Variants in DMXL1 observed in about 807,000 individuals in gnomAD.
DMXL1 encodes Dmx like 1, also known as dmX-like protein 1.
In DMXL1, 99 loss-of-function variants were observed where a neutral mutation model predicts 319.2. That is an observed-to-expected ratio of 0.31 (90% CI 0.26 to 0.37). The LOEUF (loss-of-function observed/expected upper bound fraction) is 0.37, where lower values mean the gene tolerates loss of function less well. DMXL1 is among the 10% of genes least tolerant of loss of function. The pLI is 1.00. For missense variants in DMXL1, 3,745 were observed against 3,595.6 expected, an observed-to-expected ratio of 1.04 and a Z score of -1.06; for synonymous variants, 1,385 against 1,235.2, an observed-to-expected ratio of 1.12 and a Z score of -2.54.
At chr5:119,201,753 T>C (rs931448957) in intron 32 of DMXL1, among the ~76,000 whole-genome samples, 1 of 152,176 alleles carries the variant, frequency 6.6e-6, no homozygotes. Flanking sequence ...CAGAGCTCAT[T>C]ATTAGTTTGG....
intron 2 of DMXL1, among the ~76,000 whole-genome samples, chr5:119,098,448 TA>T (rs1279541215): frequency 1.3e-3 from 128 of 96,644 alleles, no homozygotes; most frequent in African/African-American, 5.2e-3. Flanking sequence ...TGATTTAGAA[TA>T]TTTTTTTTTT....
intron 23 of DMXL1, among the ~76,000 whole-genome samples, chr5:119,169,828 G>A (rs1252148797): frequency 6.6e-6 from 1 of 152,324 alleles, no homozygotes; most frequent in East Asian, 1.9e-4. Context: ...GAGACTCTCA[G>A]TGTTCAAAGG....
chr5:119,082,010 TATATATATATACACACACACAC>T (rs1752303255), intron 1 of DMXL1, among the ~76,000 whole-genome samples: 2 of 77,146 alleles, frequency 2.6e-5, no homozygotes, highest in African/African-American at 6.9e-5. Flanking sequence ...TATATATATA[TATATATATATACACACACACAC>T]ACACACACAC....
chr5:119,165,906 A>G (rs1232404632), intron 21 of DMXL1, among the ~76,000 whole-genome samples: 1 of 152,230 alleles, frequency 6.6e-6, no homozygotes, highest in African/African-American at 2.4e-5. Flanking sequence ...AAACCATATC[A>G]GGTAACTAAA....
At chr5:119,099,126 C>T (rs554610771) in intron 2 of DMXL1, among the ~76,000 whole-genome samples, 25 of 151,454 alleles carry the variant, frequency 1.7e-4, no homozygotes, top group South Asian at 2.1e-4. Context: ...TATGACTTCT[C>T]GCTGTACAAC....
intron 43 of DMXL1, among the ~76,000 whole-genome samples, chr5:119,246,759 G>T (rs1306705214): frequency 6.6e-6 from 1 of 150,840 alleles, no homozygotes; most frequent in Non-Finnish European, 1.5e-5. Context: ...CCAGCCTCCT[G>T]AGTAGCTGGG....
chr5:119,150,436 C>A lies in DMXL1; in HGVS notation c.4594+15C>A. ...CAGAAGCCAAGGTAAAACTAAACTC[C>A]GTACTGATAACATTTTTACTTACTT... On this transcript the variant is annotated intron_variant, in intron 18 of 43. Coordinates refer to ENST00000539542, the MANE Select transcript of DMXL1 (RefSeq NM_001290321.3). The A allele has an allele frequency of 6.4e-7, 1 of 1,566,400 alleles. No homozygotes were observed. The highest frequency in any genetic ancestry group is 1.2e-5 in the South Asian group (1 of 83,246).
At chr5:119,117,764 GAGA>G (rs1425902007) in intron 7 of DMXL1, among the ~76,000 whole-genome samples, 2 of 151,222 alleles carry the variant, frequency 1.3e-5, no homozygotes, top group East Asian at 3.9e-4. Context: ...AGGAGGGAAG[GAGA>G]AGGAGAGAGC....
intron 25 of DMXL1, among the ~76,000 whole-genome samples, chr5:119,174,826 T>G (rs1775473602): frequency 6.6e-6 from 1 of 152,238 alleles, no homozygotes; most frequent in South Asian, 2.1e-4. Flanking sequence ...TCAAATTGTT[T>G]TTAAGGTAAC....
At chr5:119,077,495 T>TTG (rs1554080807) in intron 1 of DMXL1, among the ~76,000 whole-genome samples, 1 of 144,920 alleles carries the variant, frequency 6.9e-6, no homozygotes, top group East Asian at 2.0e-4. Flanking sequence ...TTTTTTTTTT[T>TTG]TTTTTTTTTT....
At position 119,203,426 on chromosome 5, in the gene DMXL1, G is replaced by C; in HGVS notation, c.7853G>C (p.Cys2618Ser). The C allele has an allele frequency of 6.3e-7, 1 of 1,587,962 alleles. No individual in the cohort carries two copies. Among genetic ancestry groups the C allele is most frequent in the East Asian group, 2.3e-5 (1 of 44,348 alleles). Residue 2618 changes from cysteine to serine, a missense_variant, in exon 33 of 44, where the codon TGT becomes TCT. This residue lies in a region of DMXL1 where 1,382 missense variants were observed against 1,269.5 expected (regional missense o/e 1.09). Coordinates refer to ENST00000539542, the MANE Select transcript of DMXL1 (RefSeq NM_001290321.3). ...FIKNIFTKKR[C>S]LNESLEDNSE... The stretch of plus-strand genomic sequence containing the variant: ...AAAAATATATTCACAAAGAAACGGT[G>C]TCTAAATGAGGTCTGTATAAGTTAA...
chr5:119,228,634 T>C (rs909647499), intron 38 of DMXL1, among the ~76,000 whole-genome samples: 1 of 152,178 alleles, frequency 6.6e-6, no homozygotes, highest in African/African-American at 2.4e-5. Context: ...CATTCTTCTT[T>C]TTAGAGGGAG....
intron 13 of DMXL1, among the ~76,000 whole-genome samples, chr5:119,138,070 G>A (rs953516379): frequency 6.6e-6 from 1 of 152,162 alleles, no homozygotes; most frequent in Admixed American, 6.5e-5. Flanking sequence ...TAGATTAGAC[G>A]TGGGATGCGG....
chr5:119,227,302 A>G (rs1284318325), intron 38 of DMXL1, among the ~76,000 whole-genome samples: 1 of 151,982 alleles, frequency 6.6e-6, no homozygotes, highest in African/African-American at 2.4e-5. Context: ...TTTAATAAGT[A>G]TTTGTTGAAA....
At chr5:119,212,942 TC>T (rs1462849521) in intron 34 of DMXL1, among the ~76,000 whole-genome samples, 1 of 152,110 alleles carries the variant, frequency 6.6e-6, no homozygotes, top group East Asian at 1.9e-4. Flanking sequence ...TCCCTGTTCT[TC>T]CTACTTGCCT....
intron 33 of DMXL1, 42 bp from the exon 34 acceptor site, chr5:119,206,792 C>A (rs992140609): frequency 3.2e-6 from 4 of 1,247,600 alleles, no homozygotes; most frequent in Non-Finnish European, 4.4e-6. Context: ...TGTTACATCT[C>A]ATCTTTACTC....
chr5:119,100,545 T>C (rs1444716382), intron 2 of DMXL1: 4 of 152,060 alleles, frequency 2.6e-5, no homozygotes, highest in Non-Finnish European at 5.9e-5. Flanking sequence ...AGAAAATTAA[T>C]CCTCATTTAT....
chr5:119,216,987 G>T lies in DMXL1; in HGVS notation c.8013G>T (p.Lys2671Asn). The change falls in exon 35 of 44, where the codon AAG becomes AAT. Residue 2671 changes from lysine (K) to asparagine (N), a missense_variant and splice_region_variant. Lys to Asn is a moderately conservative substitution (Grantham distance 94). Transcript: ENST00000539542. The part of the protein sequence containing the change: ...SDIITAFAVN[K>N]ANRNCIAIAS... Reference sequence around the variant, plus strand: ...TCATTACTGCGTTTGCTGTTAATAAGGTAAGTACATAGACATTCTTCTTTT... The same window carrying T: ...TCATTACTGCGTTTGCTGTTAATAATGTAAGTACATAGACATTCTTCTTTT... 1 of 1,523,468 alleles carries T rather than the reference G, an allele frequency of 6.6e-7. No homozygotes were observed. Among genetic ancestry groups the T allele is most frequent in the Non-Finnish European group, 9.0e-7 (1 of 1,111,686 alleles). 94.4% of individuals were successfully genotyped at this position (1,523,468 alleles called of 1,614,324 possible).
intron 30 of DMXL1, among the ~76,000 whole-genome samples, chr5:119,194,727 C>T (rs996614690): frequency 1.3e-5 from 2 of 151,918 alleles, no homozygotes; most frequent in African/African-American, 4.8e-5. Flanking sequence ...AGTCAAACTG[C>T]ACAACTCAAC....
Sources: gnomAD v4.1 joint callset for allele counts (sites outside exome capture counted in the v4.1 genomes callset) on GRCh38, gnomAD v4.1.1 for gene constraint, gnomAD v4.1.1 regional missense constraint, MANE v1.5 for transcripts, NCBI Gene and HGNC (gene_info 2026-07-23, HGNC 2026-07-21) for gene names.